The following HEATR4 variants were observed in gnomAD, a reference collection of about 807,000 sequenced individuals.
HEATR4 encodes HEAT repeat-containing protein 4.
HEATR4 carries 95 observed loss-of-function variants against 108.8 expected under a neutral mutation model. The observed-to-expected ratio is 0.87, with a 90% CI of 0.74 to 1.04. HEATR4 has a LOEUF of 1.04. Ranked by LOEUF, HEATR4 falls within the 50% of genes least tolerant of loss-of-function variation. HEATR4 has a pLI of 0.00. For missense variants in HEATR4, 1,152 were observed against 1,253.8 expected (o/e 0.92, Z 1.23); for synonymous variants, 443 against 459.4 (o/e 0.96, Z 0.46).
chr14:73,591,885 G>A, the HEATR4 span: 1 of 1,305,436 alleles, frequency 7.7e-7, no homozygotes, highest in Non-Finnish European at 9.8e-7. Context: ...ACGCCGTCCG[G>A]ACATTCGGCG....
the HEATR4 span, among the ~76,000 whole-genome samples, chr14:73,577,000 G>A: frequency 2.0e-5 from 3 of 147,056 alleles, no homozygotes; most frequent in African/African-American, 5.0e-5. Flanking sequence ...GCACAGTCAC[G>A]GCTCACTGCA....
upstream of HEATR4, among the ~76,000 whole-genome samples, chr14:73,561,327 T>C (rs1351460408): frequency 1.3e-5 from 2 of 149,512 alleles, 1 homozygote; most frequent in Non-Finnish European, 3.0e-5. Context: ...GATCTCGCCA[T>C]TGTGGTCCAG....
intron 1 of HEATR4, among the ~76,000 whole-genome samples, chr14:73,534,304 G>A (rs1399777340): frequency 9.2e-6 from 1 of 108,160 alleles, no homozygotes; most frequent in South Asian, 3.0e-4. Context: ...ACTGGAACCC[G>A]GGAGCCAGAA....
At chr14:73,519,191 C>G (rs200449198) in intron 4 of HEATR4, 28 bp from the exon 5 acceptor site, 3 of 1,588,436 alleles carry the variant, frequency 1.9e-6, no homozygotes, top group Non-Finnish European at 2.6e-6. Flanking sequence ...AACAATGAGT[C>G]CCCTATAACC....
chr14:73,590,762 C>T, the HEATR4 span, among the ~76,000 whole-genome samples: 1 of 151,708 alleles, frequency 6.6e-6, no homozygotes, highest in South Asian at 2.1e-4. Context: ...CCACCCGGGA[C>T]TCGCGCTGGC....
chr14:73,612,849 T>A, the HEATR4 span: 1 of 1,420,166 alleles, frequency 7.0e-7, no homozygotes, highest in Non-Finnish European at 9.4e-7. Flanking sequence ...TTGGTGCGGC[T>A]GGTGAAGCGC....
At chr14:73,481,425 T>G (rs1024137584) in intron 17 of HEATR4, among the ~76,000 whole-genome samples, 3 of 151,306 alleles carry the variant, frequency 2.0e-5, no homozygotes, top group Non-Finnish European at 4.4e-5. Flanking sequence ...GGCAACAAAG[T>G]GAGACTGTGT....
chr14:73,524,293 C>CAAAAA (rs1160344592), intron 2 of HEATR4, among the ~76,000 whole-genome samples: 33 of 56,654 alleles, frequency 5.8e-4, no homozygotes, highest in African/African-American at 1.6e-3. Flanking sequence ...AACTCCGTCT[C>CAAAAA]AAAAAAAAAA....
the HEATR4 span, chr14:73,574,920 G>T: frequency 2.5e-6 from 4 of 1,612,222 alleles, no homozygotes; most frequent in African/African-American, 1.3e-5. Context: ...AAAAGGTCCA[G>T]GAGTTGGGCT....
chr14:73,551,726 T>C (rs190816078), intron 1 of HEATR4, among the ~76,000 whole-genome samples: 3,419 of 108,672 alleles, frequency 0.031, 447 homozygotes, highest in African/African-American at 0.096. Flanking sequence ...GAGAATCGCT[T>C]GAACCCCAGG....
chr14:73,626,770 T>C, the HEATR4 span, among the ~76,000 whole-genome samples: 11 of 133,742 alleles, frequency 8.2e-5, no homozygotes, highest in Admixed American at 3.1e-4. Context: ...ACTAAACCAC[T>C]AAACAACAGA....
At chr14:73,613,180 C>T in the HEATR4 span, 1 of 459,356 alleles carries the variant, frequency 2.2e-6, no homozygotes, top group African/African-American at 2.1e-5. Context: ...CGCTGTTGCC[C>T]AGGCTGGAGT....
chr14:73,519,271 A>AG (rs1315691086), intron 4 of HEATR4, 108 bp from the exon 5 acceptor site: 2 of 1,130,002 alleles, frequency 1.8e-6, no homozygotes, highest in African/African-American at 3.1e-5. Flanking sequence ...CCCTAATCTA[A>AG]GCCCCTAGGA....
rs1177396732 is a variant in HEATR4, at chr14:73,552,777, C to G, written c.-152+5974G>C. On this transcript the variant is annotated intron_variant, in intron 1 of 17. Transcript: ENST00000553558. ...AACACCTTGGGCCCTCCAGATAACCCGCTGCTCCAGCCTGGCAGTTTGTCA... is the reference window on the plus strand; with the variant it reads ...AACACCTTGGGCCCTCCAGATAACCGGCTGCTCCAGCCTGGCAGTTTGTCA... Among the ~76,000 whole-genome samples the G allele has an allele frequency of 1.9e-5, 2 of 106,316 alleles. 1 individual carries two copies. The highest frequency in any genetic ancestry group is 1.4e-3 in the East Asian group (2 of 1,438). 69.7% of individuals were successfully genotyped at this position (106,316 alleles called of 152,430 possible).
At chr14:73,486,338 T>C (rs546895344) in intron 17 of HEATR4, among the ~76,000 whole-genome samples, 1 of 152,322 alleles carries the variant, frequency 6.6e-6, no homozygotes, top group African/African-American at 2.4e-5. Flanking sequence ...TCTTTTACTT[T>C]CCTTTTATTT....
In HEATR4 at chr14:73,533,881, TAA is replaced by T. The variant is rs59844752; in HGVS notation, c.-151-3639_-151-3638del. Among the ~76,000 whole-genome samples the T allele has an allele frequency of 3.0e-3, 115 of 37,980 alleles. 13 individuals carry two copies. The East Asian group carries it at 0.11, about 35-fold the overall frequency. The allele number at this position is 37,980 out of a possible 152,430, so 24.9% of individuals were successfully genotyped here. A position where few individuals can be genotyped will look rare whatever the true frequency, so the allele number is the denominator to read the frequency against. The stretch of plus-strand genomic sequence containing the variant: ...GGGCAACATAGCAAGACCCTGTCTC[TAA>T]AAAAAAAAAAAAAAAAAAAAGGTTA... On this transcript the variant is annotated intron_variant, in intron 1 of 17. Transcript: ENST00000553558.
chr14:73,619,259 T>C, the HEATR4 span: 1 of 1,593,886 alleles, frequency 6.3e-7, no homozygotes, highest in African/African-American at 1.4e-5. Context: ...ATTGCGCTTC[T>C]TGGATTTTCC....
chr14:73,622,875 A>G, the HEATR4 span, among the ~76,000 whole-genome samples: 4 of 151,914 alleles, frequency 2.6e-5, no homozygotes, highest in Non-Finnish European at 4.4e-5. Flanking sequence ...TTGACCACTC[A>G]TTCAGTCATG....
chr14:73,503,558 C>T (rs1313531177), intron 10 of HEATR4, among the ~76,000 whole-genome samples: 2 of 152,196 alleles, frequency 1.3e-5, no homozygotes, highest in Non-Finnish European at 2.9e-5. Context: ...CTTCTCTACT[C>T]CTACCTGGTA....
Sources: gnomAD v4.1 joint callset for allele counts (sites outside exome capture counted in the v4.1 genomes callset) on GRCh38, gnomAD v4.1.1 for gene constraint, MANE v1.5 for transcripts, NCBI Gene and HGNC (gene_info 2026-07-23, HGNC 2026-07-21) for gene names.